Variants in SLC35E1 observed in about 807,000 individuals in gnomAD.
The protein encoded by SLC35E1 is solute carrier family 35, member E1.
In SLC35E1, 12 loss-of-function variants were observed where a neutral mutation model predicts 31.0. The observed-to-expected ratio is 0.39, with a 90% CI of 0.25 to 0.63. The LOEUF (loss-of-function observed/expected upper bound fraction) is 0.63, where lower values mean the gene tolerates loss of function less well. SLC35E1 is among the 20% of genes least tolerant of loss of function. The pLI is 0.52. For missense variants in SLC35E1, 429 were observed against 572.2 expected, an observed-to-expected ratio of 0.75 and a Z score of 2.55; for synonymous variants, 257 against 264.1, an observed-to-expected ratio of 0.97 and a Z score of 0.26.
At chr19:16,569,454 G>C (rs537679070) in intron 2 of SLC35E1, among the ~76,000 whole-genome samples, 140 of 152,342 alleles carry the variant, frequency 9.2e-4, no homozygotes, top group African/African-American at 3.3e-3. Context: ...TGAACGAGTA[G>C]CAAACATAGT....
chr19:16,568,395 C>T (rs1262075221), intron 2 of SLC35E1, among the ~76,000 whole-genome samples: 5 of 152,210 alleles, frequency 3.3e-5, no homozygotes, highest in African/African-American at 1.2e-4. Flanking sequence ...CATCCCCATA[C>T]CGTCACCCCC....
At chr19:16,566,767 G>T in intron 3 of SLC35E1, 110 bp from the exon 4 acceptor site, 1 of 1,363,360 alleles carries the variant, frequency 7.3e-7, no homozygotes, top group Non-Finnish European at 1.0e-6. Flanking sequence ...TGACATCTGA[G>T]CTTGGACACC....
chr19:16,569,128 G>A (rs921515929), intron 2 of SLC35E1, among the ~76,000 whole-genome samples: 8 of 151,716 alleles, frequency 5.3e-5, no homozygotes, highest in Non-Finnish European at 1.0e-4. Flanking sequence ...AGGTTCAACC[G>A]ATTCTTCTGC....
At chr19:16,568,375 T>A (rs1313086856) in intron 2 of SLC35E1, among the ~76,000 whole-genome samples, 2 of 152,166 alleles carry the variant, frequency 1.3e-5, no homozygotes, top group Non-Finnish European at 2.9e-5. Context: ...GGCTTATTTG[T>A]GGGTAGCCCC....
At position 16,551,031 on chromosome 19, in the gene SLC35E1, G is replaced by T. The variant is rs1248153927; in HGVS notation, c.*2648C>A. 1.3e-5 allele frequency: 2 copies of T among 152,154 alleles called. No homozygotes were observed. Among genetic ancestry groups the T allele is most frequent in the South Asian group, 4.1e-4 (2 of 4,830 alleles). The allele number at this position is 152,154 out of a possible 1,614,324, so 9.4% of individuals were successfully genotyped here. On this transcript the variant is annotated 3_prime_UTR_variant, in exon 6 of 6. Coordinates refer to ENST00000595753, the MANE Select transcript of SLC35E1 (RefSeq NM_024881.5). The stretch of plus-strand genomic sequence containing the variant: ...AATTCATTTTGGAGTTCAATAATAT[G>T]TTCAAAGAATCAGGTACTATATATA...
chr19:16,572,069 G>C lies in SLC35E1; in HGVS notation c.296C>G (p.Ser99Cys). 6.5e-7 allele frequency: 1 copy of C among 1,539,090 alleles called. No homozygotes were observed. Among genetic ancestry groups the C allele is most frequent in the African/African-American group, 1.4e-5 (1 of 71,038 alleles). ...GAAGCGCGGCGGCAGCAGCGGGCCG[G>C]ACGACGGATGCGGACTGGGTCCGGG... ...SGPGPSPHPS[S>C]GPLLPPRFYP... The change falls in exon 1 of 6, where the codon TCC becomes TGC. Residue 99 changes from serine to cysteine, a missense_variant. Transcript: ENST00000595753. This position sits in a 1 kb window ranked among gnomAD's most constrained non-coding sequence, Gnocchi z 4.1.
intron 5 of SLC35E1, among the ~76,000 whole-genome samples, chr19:16,554,547 G>C (rs2122322245): frequency 6.6e-6 from 1 of 152,304 alleles, no homozygotes; most frequent in Middle Eastern, 3.4e-3. Flanking sequence ...GAGGCCAGGT[G>C]TGGTGGCTCA....
In SLC35E1 at chr19:16,570,164, C is replaced by T. The variant is rs750226975; in HGVS notation, c.492+1348G>A. Among the ~76,000 whole-genome samples, 6 of 152,230 alleles carry T rather than the reference C, an allele frequency of 3.9e-5. No homozygotes were observed. The South Asian group carries it at 1.2e-3, about 31-fold the overall frequency. ...GTGAAGTTCCGGCTCCTTGCCCAAG[C>T]TGGGTACAATGTCCCGTACAACGGG... On this transcript the variant is annotated intron_variant, in intron 2 of 5. Transcript: ENST00000595753.
At chr19:16,558,359 C>G (rs900544694) in intron 4 of SLC35E1, among the ~76,000 whole-genome samples, 1 of 150,524 alleles carries the variant, frequency 6.6e-6, no homozygotes, top group African/African-American at 2.5e-5. Context: ...TTTCTTGAGA[C>G]GGAGTCTCAC....
chr19:16,570,794 C>T (rs536751661), intron 2 of SLC35E1, among the ~76,000 whole-genome samples: 1 of 152,302 alleles, frequency 6.6e-6, no homozygotes, highest in South Asian at 2.1e-4. Flanking sequence ...ACAGAAATCT[C>T]TTGTCAAGAA....
intron 4 of SLC35E1, among the ~76,000 whole-genome samples, chr19:16,562,436 G>T (rs1022079166): frequency 1.3e-5 from 2 of 152,160 alleles, no homozygotes; most frequent in African/African-American, 4.8e-5. Context: ...GACCCCTGCG[G>T]ATGCCAAAAT....
At chr19:16,562,835 A>C (rs1218400483) in intron 4 of SLC35E1, among the ~76,000 whole-genome samples, 1 of 152,132 alleles carries the variant, frequency 6.6e-6, no homozygotes, top group Non-Finnish European at 1.5e-5. Context: ...CAGGCTCCCA[A>C]GTAGCTCGGA....
intron 4 of SLC35E1, among the ~76,000 whole-genome samples, chr19:16,556,681 C>T (rs1279608118): frequency 2.0e-5 from 3 of 152,224 alleles, no homozygotes; most frequent in Admixed American, 1.3e-4. Flanking sequence ...GTAGACACTG[C>T]CCTGTAGGCC....
chr19:16,572,095 G>T lies in SLC35E1; in HGVS notation c.270C>A (p.Gly90=). 1 of 1,517,918 alleles carries T rather than the reference G, an allele frequency of 6.6e-7. No individual in the cohort carries two copies. The highest frequency in any genetic ancestry group is 8.8e-7 in the Non-Finnish European group (1 of 1,133,746). 94.0% of individuals were successfully genotyped at this position (1,517,918 alleles called of 1,614,324 possible). ...ACGACGGATGCGGACTGGGTCCGGG[G>T]CCCGAGACGGGCGGCGCGGGGGGCA... ...WRVPPAPPVS[G]PGPSPHPSSG... is the part of the protein sequence containing the mutation. Residue 90 remains glycine (G), a synonymous_variant, in exon 1 of 6, where the codon GGC becomes GGA. Coordinates refer to ENST00000595753, the MANE Select transcript of SLC35E1 (RefSeq NM_024881.5). The surrounding 1 kb of genome is among the most constrained non-coding windows in gnomAD (Gnocchi z 4.1).
chr19:16,571,660 G>C lies in SLC35E1; in HGVS notation c.422-78C>G. The C allele has an allele frequency of 7.4e-6, 11 of 1,495,184 alleles. No individual in the cohort carries two copies. In the South Asian group the frequency reaches 1.1e-4, roughly 15 times the overall value. The allele number at this position is 1,495,184 out of a possible 1,614,324, so 92.6% of individuals were successfully genotyped here. A position where few individuals can be genotyped will look rare whatever the true frequency, so the allele number is the denominator to read the frequency against. ...CCTGTTCCACCTCCACGGCGGGATG[G>C]GAGGGCCTGGCAGCCCCTCACACCT... is the stretch of plus-strand genomic sequence containing the variant. On this transcript the variant is annotated intron_variant, in intron 1 of 5. Transcript: ENST00000595753.
intron 4 of SLC35E1, among the ~76,000 whole-genome samples, chr19:16,558,651 T>C (rs1403949975): frequency 6.6e-6 from 1 of 152,156 alleles, no homozygotes; most frequent in Non-Finnish European, 1.5e-5. Flanking sequence ...CATCTGTCCA[T>C]TGTCTTCTGA....
At chr19:16,571,825 CCCCTCTGCTGACTTCTCAGT>C in intron 1 of SLC35E1, 99 bp downstream of exon 1, 1 of 1,136,918 alleles carries the variant, frequency 8.8e-7, no homozygotes, top group East Asian at 2.6e-5. Flanking sequence ...CCCTTGGCAG[CCCCTCTGCTGACTTCTCAGT>C]CCGGCGGGAC....
intron 4 of SLC35E1, chr19:16,565,808 G>C (rs1483751549): frequency 7.1e-6 from 1 of 141,262 alleles, no homozygotes; most frequent in Non-Finnish European, 1.5e-5. Flanking sequence ...GAGCCACTGC[G>C]CCCGGCTTTT....
chr19:16,553,611 G>C lies in SLC35E1; in HGVS notation c.*68C>G. ...TGGGTTGTACATTCACTGATTGTCA[G>C]AAGTTTCTGATACTGCTGTGGGGGC... On this transcript the variant is annotated 3_prime_UTR_variant, in exon 6 of 6. Transcript: ENST00000595753. 1.5e-6 allele frequency: 2 copies of C among 1,348,548 alleles called. No homozygotes were observed. The highest frequency in any genetic ancestry group is 2.0e-6 in the Non-Finnish European group (2 of 1,007,762). The allele number at this position is 1,348,548 out of a possible 1,614,324, so 83.5% of individuals were successfully genotyped here. A position where few individuals can be genotyped will look rare whatever the true frequency, so the allele number is the denominator to read the frequency against.
Sources: gnomAD v4.1 joint callset for allele counts (sites outside exome capture counted in the v4.1 genomes callset) on GRCh38, gnomAD v4.1.1 for gene constraint, Gnocchi (gnomAD v3.1) non-coding constraint, MANE v1.5 for transcripts, NCBI Gene and HGNC (gene_info 2026-07-23, HGNC 2026-07-21) for gene names.